Variants in TMPRSS15 observed in about 807,000 individuals in gnomAD.
TMPRSS15 encodes enteropeptidase.
In TMPRSS15, 128 loss-of-function variants were observed where a neutral mutation model predicts 125.3. The observed-to-expected ratio is 1.02, with a 90% CI of 0.89 to 1.18. The LOEUF (loss-of-function observed/expected upper bound fraction) is 1.18, where lower values mean the gene tolerates loss of function less well. Ranked by LOEUF, TMPRSS15 falls within the 50% of genes most tolerant of loss-of-function variation. The pLI is 0.00. For missense variants in TMPRSS15, 1,283 were observed against 1,212.7 expected (o/e 1.06, Z -0.86); for synonymous variants, 446 against 423.2 (o/e 1.05, Z -0.66).
intron 1 of TMPRSS15, among the ~76,000 whole-genome samples, chr21:18,431,076 G>C (rs2076215719): frequency 6.6e-6 from 1 of 152,072 alleles, no homozygotes; most frequent in African/African-American, 2.4e-5. Flanking sequence ...TTTGTTATTA[G>C]CAAATTAGCA....
At chr21:18,365,626 T>TTCTCTCTCTTTCTC (rs57900704) in intron 6 of TMPRSS15, among the ~76,000 whole-genome samples, 5 of 111,740 alleles carry the variant, frequency 4.5e-5, no homozygotes, top group Admixed American at 2.9e-4. Flanking sequence ...CTCTCTTTCT[T>TTCTCTCTCTTTCTC]TCTCTTTCTC....
At chr21:18,427,368 TACTTA>T (rs2076205029) in intron 1 of TMPRSS15, among the ~76,000 whole-genome samples, 1 of 42,082 alleles carries the variant, frequency 2.4e-5, no homozygotes, top group East Asian at 6.5e-3. Flanking sequence ...CTCCTTGCCT[TACTTA>T]ACTATTACAT....
rs1569039873 is a variant in TMPRSS15 at position 18,372,290 on chromosome 21, A to ACTTGAACC, written c.559_566dup (p.Ser189ArgfsTer10). The stretch of plus-strand genomic sequence containing the variant: ...TACACGTTAGAGCATCAGTACAAGG[A>ACTTGAACC]CTTGAACCAGGCAGGCACTCTATTG... On this transcript the variant is annotated frameshift_variant, in exon 6 of 25. Transcript: ENST00000284885. LOFTEE classifies it high-confidence loss of function. 2.5e-6 allele frequency: 4 copies of ACTTGAACC among 1,613,452 alleles called. No homozygotes were observed. In the South Asian group the frequency reaches 4.4e-5, roughly 18 times the overall value.
chr21:18,303,017 A>T (rs2074990074), intron 18 of TMPRSS15, among the ~76,000 whole-genome samples: 1 of 152,198 alleles, frequency 6.6e-6, no homozygotes, highest in Non-Finnish European at 1.5e-5. Flanking sequence ...ACATGAGTGA[A>T]ATTTCCTTTA....
chr21:18,342,849 C>G (rs2075462704), intron 12 of TMPRSS15, among the ~76,000 whole-genome samples: 2 of 152,154 alleles, frequency 1.3e-5, no homozygotes, highest in African/African-American at 4.8e-5. Context: ...AAATATACAT[C>G]TTCTGAAAGT....
intron 16 of TMPRSS15, among the ~76,000 whole-genome samples, chr21:18,317,488 T>A (rs1344195829): frequency 1.3e-5 from 2 of 151,952 alleles, no homozygotes; most frequent in Non-Finnish European, 1.5e-5. Context: ...AAACCAAGTG[T>A]GGGATGCCCT....
chr21:18,431,103 A>C (rs1026158450), intron 1 of TMPRSS15, among the ~76,000 whole-genome samples: 4 of 152,040 alleles, frequency 2.6e-5, no homozygotes, highest in African/African-American at 7.2e-5. Context: ...CCAGATCACC[A>C]TTTTTCTTTG....
chr21:18,403,427 T>G, intron 1 of TMPRSS15, 51 bp downstream of exon 1: 1 of 1,612,396 alleles, frequency 6.2e-7, no homozygotes, highest in Non-Finnish European at 8.5e-7. Context: ...GACACTAAAG[T>G]GTGTACATTC....
chr21:18,365,300 T>C lies in TMPRSS15; in HGVS notation c.665-52A>G, dbSNP rs545890560. 47 of 1,412,820 alleles carry C rather than the reference T, an allele frequency of 3.3e-5. No homozygotes were observed. In the East Asian group the frequency reaches 9.6e-4, roughly 29 times the overall value. The allele number at this position is 1,412,820 out of a possible 1,614,324, so 87.5% of individuals were successfully genotyped here. ...GACAAAAACAATCTTGGGATTCAAA[T>C]TGGCTGCAAAACATTTCACAGAATA... On this transcript the variant is annotated intron_variant, in intron 6 of 24. Transcript: ENST00000284885.
chr21:18,297,697 A>C (rs1193163392), intron 19 of TMPRSS15, 37 bp downstream of exon 19: 2 of 1,464,196 alleles, frequency 1.4e-6, no homozygotes, highest in East Asian at 4.5e-5. Flanking sequence ...TGCCATGTCT[A>C]TGTACAACTA....
At chr21:18,272,084 A>T (rs1401542356) in intron 24 of TMPRSS15, among the ~76,000 whole-genome samples, 2 of 152,138 alleles carry the variant, frequency 1.3e-5, no homozygotes, top group East Asian at 3.9e-4. Context: ...TAATCCCAGT[A>T]AAGGGATTGC....
At chr21:18,375,817 A>G (rs564495209) in intron 5 of TMPRSS15, among the ~76,000 whole-genome samples, 21 of 152,168 alleles carry the variant, frequency 1.4e-4, no homozygotes, top group Non-Finnish European at 2.9e-4. Context: ...ATTTCCAGTG[A>G]TTTGACATTA....
chr21:18,393,224 T>C (rs8132226), intron 3 of TMPRSS15, among the ~76,000 whole-genome samples: 40,139 of 151,880 alleles, frequency 0.26, 5,566 homozygotes, highest in East Asian at 0.48. Flanking sequence ...AGGAGTGAGA[T>C]ATGAAGATGG....
At chr21:18,329,118 CACA>C (rs1235532504) in intron 15 of TMPRSS15, 48 bp downstream of exon 15, 11 of 1,605,224 alleles carry the variant, frequency 6.9e-6, no homozygotes, top group African/African-American at 4.0e-5. Flanking sequence ...TTTCCATCAG[CACA>C]ACATCTTGAG....
At chr21:18,385,301 C>T (rs2075933270) in intron 3 of TMPRSS15, among the ~76,000 whole-genome samples, 2 of 152,152 alleles carry the variant, frequency 1.3e-5, no homozygotes, top group Non-Finnish European at 2.9e-5. Context: ...ACAGACACTA[C>T]CTTTCATCTA....
intron 1 of TMPRSS15, among the ~76,000 whole-genome samples, chr21:18,428,531 C>G (rs541815030): frequency 6.6e-6 from 1 of 152,262 alleles, no homozygotes; most frequent in East Asian, 1.9e-4. Flanking sequence ...CCAGGGCCCC[C>G]TTGCTATCTG....
At chr21:18,425,684 T>C (rs1439148611) in intron 1 of TMPRSS15, among the ~76,000 whole-genome samples, 2 of 152,116 alleles carry the variant, frequency 1.3e-5, no homozygotes, top group African/African-American at 4.8e-5. Flanking sequence ...TAAGAACTTA[T>C]GAAAGCTTCA....
intron 13 of TMPRSS15, among the ~76,000 whole-genome samples, chr21:18,340,565 C>T (rs1452604116): frequency 6.6e-6 from 1 of 152,048 alleles, no homozygotes; most frequent in East Asian, 1.9e-4. Flanking sequence ...GAGTTCTGTC[C>T]CTCTAGAGAA....
At chr21:18,407,835 CAAAT>C (rs1277572279), upstream of TMPRSS15, among the ~76,000 whole-genome samples, 2 of 152,060 alleles carry the variant, frequency 1.3e-5, no homozygotes, top group Non-Finnish European at 2.9e-5. Flanking sequence ...GAAGTGGAAA[CAAAT>C]GAATACATAT....
Sources: gnomAD v4.1 joint callset for allele counts (sites outside exome capture counted in the v4.1 genomes callset) on GRCh38, gnomAD v4.1.1 for gene constraint, MANE v1.5 for transcripts, NCBI Gene and HGNC (gene_info 2026-07-23, HGNC 2026-07-21) for gene names.